SSBP3: variants seen among roughly 807,000 people sequenced by gnomAD.
SSBP3 encodes the protein single-stranded DNA-binding protein 3.
In SSBP3, 5 loss-of-function variants were observed where a neutral mutation model predicts 69.6. The ratio of observed to expected loss-of-function variants is 0.07; its 90% CI spans 0.04 to 0.15. The LOEUF is 0.15. Among genes scored for constraint, SSBP3 ranks in the 10% least tolerant of loss-of-function variants. The pLI is 1.00. For missense variants in SSBP3, 312 were observed against 534.0 expected, an observed-to-expected ratio of 0.58 and a Z score of 4.10; for synonymous variants, 196 against 193.4, an observed-to-expected ratio of 1.01 and a Z score of -0.11.
intron 14 of SSBP3, 107 bp downstream of exon 14, chr1:54,239,022 G>T: frequency 2.2e-6 from 2 of 894,886 alleles, no homozygotes; most frequent in Non-Finnish European, 3.5e-6. Flanking sequence ...ATTCATCTTT[G>T]GTAACAAATG....
chr1:54,375,439 T>C (rs760070984), intron 4 of SSBP3, among the ~76,000 whole-genome samples: 3 of 152,142 alleles, frequency 2.0e-5, no homozygotes, highest in Non-Finnish European at 4.4e-5. Flanking sequence ...TCTGAGCTCT[T>C]TCCCACAGGC....
intron 14 of SSBP3, chr1:54,238,154 A>C (rs566051661): frequency 2.1e-6 from 1 of 471,056 alleles, no homozygotes; most frequent in African/African-American, 2.0e-5. Context: ...ACCATCCCTC[A>C]GAGGGCTGCT....
chr1:54,371,943 C>T (rs1647142464), intron 4 of SSBP3, among the ~76,000 whole-genome samples: 1 of 152,090 alleles, frequency 6.6e-6, no homozygotes, highest in Admixed American at 6.5e-5. Flanking sequence ...CAACTCCACC[C>T]GAGAACCTCA....
intron 5 of SSBP3, among the ~76,000 whole-genome samples, chr1:54,268,376 T>C (rs886617996): frequency 7.9e-5 from 12 of 152,240 alleles, no homozygotes; most frequent in African/African-American, 2.7e-4. Flanking sequence ...GATGTGCATA[T>C]TAAGAAGGCA....
intron 9 of SSBP3, 113 bp from the exon 10 acceptor site, chr1:54,243,412 G>A: frequency 7.6e-7 from 1 of 1,314,582 alleles, no homozygotes. Context: ...GAAAAGGATT[G>A]ATGAGAAAAA....
intron 4 of SSBP3, among the ~76,000 whole-genome samples, chr1:54,317,893 G>C (rs1353072827): frequency 6.6e-6 from 1 of 152,160 alleles, no homozygotes; most frequent in Non-Finnish European, 1.5e-5. Context: ...AGCCTCCTGA[G>C]TAGCTGGGAT....
At chr1:54,343,898 G>T (rs924625178) in intron 4 of SSBP3, among the ~76,000 whole-genome samples, 9 of 152,242 alleles carry the variant, frequency 5.9e-5, no homozygotes, top group Non-Finnish European at 1.3e-4. Context: ...CACTAGCAGG[G>T]AAGTGTGTTA....
At chr1:54,295,421 T>A (rs1192868072) in intron 4 of SSBP3, among the ~76,000 whole-genome samples, 3 of 152,204 alleles carry the variant, frequency 2.0e-5, no homozygotes, top group African/African-American at 7.2e-5. Context: ...GTTCATGAGC[T>A]GGAACTCAAT....
At chr1:54,335,437 C>T (rs2100484465) in intron 4 of SSBP3, among the ~76,000 whole-genome samples, 1 of 152,276 alleles carries the variant, frequency 6.6e-6, no homozygotes, top group East Asian at 1.9e-4. Flanking sequence ...AACCACCTTC[C>T]AGACTCTGGG....
At chr1:54,289,030 A>AAC (rs1645549783) in intron 4 of SSBP3, among the ~76,000 whole-genome samples, 12 of 70,378 alleles carry the variant, frequency 1.7e-4, no homozygotes, top group Admixed American at 3.6e-4. Flanking sequence ...CAAAAAAAAA[A>AAC]AAAAAACAAA....
intron 14 of SSBP3, 23 bp downstream of exon 14, chr1:54,239,106 A>G: frequency 6.2e-7 from 1 of 1,600,606 alleles, no homozygotes; most frequent in Non-Finnish European, 8.6e-7. Context: ...TCTGATATGT[A>G]AATTATTAGA....
At chr1:54,235,015 C>T (rs1213997698) in intron 14 of SSBP3, among the ~76,000 whole-genome samples, 2 of 152,188 alleles carry the variant, frequency 1.3e-5, no homozygotes, top group Admixed American at 1.3e-4. Flanking sequence ...TATTCAAAGC[C>T]CATGTTACAC....
intron 4 of SSBP3, among the ~76,000 whole-genome samples, chr1:54,378,474 G>GA (rs1285145984): frequency 1.3e-5 from 2 of 152,216 alleles, no homozygotes; most frequent in Non-Finnish European, 2.9e-5. Context: ...CTTTACCAGG[G>GA]AAAGGGGTGT....
chr1:54,307,104 T>C (rs1645913962), intron 4 of SSBP3, among the ~76,000 whole-genome samples: 1 of 152,112 alleles, frequency 6.6e-6, no homozygotes. Flanking sequence ...TAAAATCCCA[T>C]TACTCAGTCA....
At chr1:54,227,910 T>G (rs1443623265) in intron 17 of SSBP3, among the ~76,000 whole-genome samples, 1 of 152,010 alleles carries the variant, frequency 6.6e-6, no homozygotes, top group African/African-American at 2.4e-5. Flanking sequence ...GCCCTGAAAA[T>G]CGTTGGCTGC....
intron 4 of SSBP3, among the ~76,000 whole-genome samples, chr1:54,370,450 G>A (rs1267110933): frequency 1.3e-5 from 2 of 152,216 alleles, no homozygotes; most frequent in Non-Finnish European, 2.9e-5. Context: ...TGCAATGTCT[G>A]ACACGAGCAA....
chr1:54,239,038 A>C (rs750606397), intron 14 of SSBP3, 91 bp downstream of exon 14: 9 of 1,140,106 alleles, frequency 7.9e-6, no homozygotes, highest in Non-Finnish European at 1.1e-5. Context: ...AAATGGCTGA[A>C]ATCAATTAAA....
rs1646621481 is a variant in SSBP3, at chr1:54,342,208, G to A, written c.276+59653C>T. Among the ~76,000 whole-genome samples, 2 of 152,250 alleles carry A rather than the reference G, an allele frequency of 1.3e-5. 1 individual carries two copies. The highest frequency in any genetic ancestry group is 4.1e-4 in the South Asian group (2 of 4,838). ...CAGGTCTGGAACTGGAAGGTACTTC[G>A]CAAAGTGCCCTCCTCAAATGCCCTT... On this transcript the variant is annotated intron_variant, in intron 4 of 17. Transcript: ENST00000610401.
At chr1:54,240,069 TGTGTGTGTGTGTGTGTGTGCGCGC>T (rs1320729012) in intron 13 of SSBP3, among the ~76,000 whole-genome samples, 1 of 25,602 alleles carries the variant, frequency 3.9e-5, no homozygotes, top group African/African-American at 2.1e-4. Flanking sequence ...TGTGTGTGTG[TGTGTGTGTGTGTGTGTGTGCGCGC>T]GCGCGCGTGT....
Sources: allele counts gnomAD v4.1 joint callset (sites outside exome capture counted in the v4.1 genomes callset), GRCh38; gene constraint gnomAD v4.1.1; transcripts MANE v1.5; gene names NCBI Gene and HGNC (gene_info 2026-07-23, HGNC 2026-07-21).